TENM2: variants seen among roughly 807,000 people sequenced by gnomAD.
The protein encoded by TENM2 is teneurin-2.
A neutral mutation model predicts 245.2 loss-of-function variants in TENM2; 52 were observed. The observed-to-expected ratio is 0.21, with a 90% CI of 0.17 to 0.27. The LOEUF is 0.27. Among genes scored for constraint, TENM2 ranks in the 10% least tolerant of loss-of-function variants. The pLI is 1.00. For synonymous variants in TENM2, 1,363 were observed against 1,438.9 expected, an observed-to-expected ratio of 0.95 and a Z score of 1.19; for missense variants, 3,046 against 3,666.8, an observed-to-expected ratio of 0.83 and a Z score of 4.37.
chr5:168,074,926 A>C (rs1324528286), intron 7 of TENM2, among the ~76,000 whole-genome samples: 1 of 152,168 alleles, frequency 6.6e-6, no homozygotes, highest in African/African-American at 2.4e-5. Flanking sequence ...AAAACTACCC[A>C]ATGTACACTT....
the TENM2 span, among the ~76,000 whole-genome samples, chr5:167,057,197 A>G: frequency 6.6e-6 from 1 of 151,958 alleles, no homozygotes; most frequent in Non-Finnish European, 1.5e-5. Context: ...TTTTTCCTGA[A>G]ATTTGCAACT....
In TENM2 at chr5:167,391,399, G is replaced by A. The variant is rs1761743583; in HGVS notation, c.502+15926G>A. Among the ~76,000 whole-genome samples, 2 of 152,050 alleles carry A rather than the reference G, an allele frequency of 1.3e-5. 1 individual carries two copies. Among genetic ancestry groups the A allele is most frequent in the Admixed American group, 1.3e-4 (2 of 15,238 alleles). Reference sequence around the variant, plus strand: ...CCAGCATTTTGGGAGGCTGAGGCGAGCAGATCACTTGAGGTCAAGAGTTTA... The same window carrying A: ...CCAGCATTTTGGGAGGCTGAGGCGAACAGATCACTTGAGGTCAAGAGTTTA... On this transcript the variant is annotated intron_variant, in intron 2 of 28. Transcript: ENST00000518659.
At chr5:167,087,587 T>G in the TENM2 span, among the ~76,000 whole-genome samples, 1 of 152,312 alleles carries the variant, frequency 6.6e-6, no homozygotes, top group South Asian at 2.1e-4. Flanking sequence ...GAATAGTACC[T>G]TGCATACAAT....
At chr5:167,546,126 G>T (rs1772544559) in intron 2 of TENM2, among the ~76,000 whole-genome samples, 1 of 152,134 alleles carries the variant, frequency 6.6e-6, no homozygotes, top group Non-Finnish European at 1.5e-5. Context: ...CAAATTCATA[G>T]GCTAGAAAGT....
At chr5:167,380,042 A>G (rs1279319963) in intron 2 of TENM2, among the ~76,000 whole-genome samples, 1 of 152,030 alleles carries the variant, frequency 6.6e-6, no homozygotes, top group African/African-American at 2.4e-5. Flanking sequence ...GAATACCATT[A>G]TAAAGAAGAG....
chr5:167,590,433 G>A (rs1165693317), intron 2 of TENM2, among the ~76,000 whole-genome samples: 1 of 151,984 alleles, frequency 6.6e-6, no homozygotes. Context: ...ATGCATGTAT[G>A]TATGTGTGTG....
At chr5:167,221,614 CA>C in the TENM2 span, among the ~76,000 whole-genome samples, 13 of 152,116 alleles carry the variant, frequency 8.5e-5, no homozygotes, top group Non-Finnish European at 1.2e-4. Flanking sequence ...TATAGAATAC[CA>C]AAAAACTTCA....
chr5:167,706,159 ATAGT>A (rs1758506113), intron 2 of TENM2, among the ~76,000 whole-genome samples: 1 of 146,054 alleles, frequency 6.8e-6, no homozygotes. Context: ...GTGTGTATAT[ATAGT>A]TATACTATAT....
chr5:167,675,493 A>G (rs1042969283), intron 2 of TENM2, among the ~76,000 whole-genome samples: 5 of 152,062 alleles, frequency 3.3e-5, no homozygotes, highest in African/African-American at 1.2e-4. Flanking sequence ...TGTTATTGCT[A>G]TGTTCACGTG....
chr5:168,068,923 G>A (rs543983695), intron 7 of TENM2, among the ~76,000 whole-genome samples: 1 of 151,682 alleles, frequency 6.6e-6, no homozygotes, highest in African/African-American at 2.4e-5. Context: ...ACAAAGAGAG[G>A]ATACAGATGA....
the TENM2 span, among the ~76,000 whole-genome samples, chr5:167,144,927 T>A: frequency 6.6e-6 from 1 of 152,244 alleles, no homozygotes; most frequent in Non-Finnish European, 1.5e-5. Context: ...CGTGGCTTTT[T>A]CCTCCATGGA....
intron 2 of TENM2, among the ~76,000 whole-genome samples, chr5:167,559,930 G>A (rs999960984): frequency 3.3e-5 from 5 of 152,156 alleles, no homozygotes; most frequent in African/African-American, 1.2e-4. Flanking sequence ...TTTGCTCCAA[G>A]TGCAGGGCTG....
intron 19 of TENM2, among the ~76,000 whole-genome samples, chr5:168,206,315 C>A (rs1762341241): frequency 6.6e-6 from 1 of 152,188 alleles, no homozygotes; most frequent in Non-Finnish European, 1.5e-5. Context: ...AGAGCTTCAC[C>A]CTGAGGAGGC....
the TENM2 span, among the ~76,000 whole-genome samples, chr5:167,139,678 A>G: frequency 6.6e-6 from 1 of 152,234 alleles, no homozygotes; most frequent in Admixed American, 6.5e-5. Flanking sequence ...ATTTTACTAC[A>G]ATGCTCTATG....
chr5:168,142,264 G>A (rs1461852108), intron 12 of TENM2, among the ~76,000 whole-genome samples: 5 of 152,248 alleles, frequency 3.3e-5, no homozygotes, highest in Non-Finnish European at 7.3e-5. Flanking sequence ...AAGATGCAGA[G>A]GTGAAAGTCT....
At chr5:167,798,989 G>A (rs1765513211) in intron 2 of TENM2, among the ~76,000 whole-genome samples, 1 of 152,174 alleles carries the variant, frequency 6.6e-6, no homozygotes, top group Non-Finnish European at 1.5e-5. Context: ...TAATCAGGAG[G>A]CTTTGATGGG....
chr5:168,167,497 G>T (rs1758409690), intron 13 of TENM2, among the ~76,000 whole-genome samples: 1 of 152,182 alleles, frequency 6.6e-6, no homozygotes, highest in East Asian at 1.9e-4. Context: ...TCTGTGGGCA[G>T]CGGTGACAGT....
At chr5:167,775,127 C>T (rs1195536110) in intron 2 of TENM2, among the ~76,000 whole-genome samples, 1 of 152,144 alleles carries the variant, frequency 6.6e-6, no homozygotes, top group Non-Finnish European at 1.5e-5. Flanking sequence ...CACCACCACA[C>T]CCAGCTAATT....
chr5:168,030,052 G>A (rs1187722271), intron 5 of TENM2, among the ~76,000 whole-genome samples: 1 of 151,926 alleles, frequency 6.6e-6, no homozygotes, highest in Non-Finnish European at 1.5e-5. Flanking sequence ...GGGTCACCTG[G>A]AGCAGGCAGA....
Sources: allele counts gnomAD v4.1 joint callset (sites outside exome capture counted in the v4.1 genomes callset), GRCh38; gene constraint gnomAD v4.1.1; transcripts MANE v1.5; gene names NCBI Gene and HGNC (gene_info 2026-07-23, HGNC 2026-07-21).